The following MIPOL1 variants were observed in gnomAD, a reference collection of about 807,000 sequenced individuals.
MIPOL1 encodes mirror-image polydactyly 1.
In MIPOL1, 57 loss-of-function variants were observed where a neutral mutation model predicts 60.9. The observed-to-expected ratio is 0.94, with a 90% CI of 0.76 to 1.17. MIPOL1 has a LOEUF of 1.17. MIPOL1 is among the 50% of genes most tolerant of loss of function. The pLI, the probability that MIPOL1 is intolerant of heterozygous loss-of-function variation, is 0.00. For synonymous variants in MIPOL1, 179 were observed against 168.8 expected (o/e 1.06, Z -0.47); for missense variants, 551 against 511.6 (o/e 1.08, Z -0.74).
intron 7 of MIPOL1, among the ~76,000 whole-genome samples, chr14:37,289,533 G>A (rs570534153): frequency 1.4e-4 from 22 of 152,276 alleles, no homozygotes; most frequent in Non-Finnish European, 2.8e-4. Flanking sequence ...TCTTACTTAC[G>A]TTTATTAAAA....
intron 11 of MIPOL1, among the ~76,000 whole-genome samples, chr14:37,434,859 A>C (rs1273487781): frequency 2.6e-5 from 4 of 152,028 alleles, no homozygotes; most frequent in Admixed American, 6.6e-5. Context: ...GCAAAAAAAA[A>C]AAAAAAACAA....
chr14:37,328,592 T>C (rs921585330), intron 9 of MIPOL1, among the ~76,000 whole-genome samples: 3 of 152,220 alleles, frequency 2.0e-5, no homozygotes, highest in African/African-American at 4.8e-5. Flanking sequence ...AAATTTCTTG[T>C]CAGATTACCA....
chr14:37,270,230 A>G lies in MIPOL1; in HGVS notation c.388-190A>G, dbSNP rs146107480. 5.0e-3 allele frequency among the ~76,000 whole-genome samples: 759 copies of G among 152,282 alleles called. 5 individuals carry two copies. Among genetic ancestry groups the G allele is most frequent in the African/African-American group, 0.017 (717 of 41,562 alleles). On this transcript the variant is annotated intron_variant, in intron 5 of 12. Transcript: ENST00000684589. ...AAGTGTATATTGGGATGTTTTTACA[A>G]TTTCTGTATAACTACAGGTAATTAT...
At chr14:37,295,860 CTT>C (rs2085613528) in intron 7 of MIPOL1, among the ~76,000 whole-genome samples, 1 of 152,160 alleles carries the variant, frequency 6.6e-6, no homozygotes, top group African/African-American at 2.4e-5. Flanking sequence ...TCATGGGAGA[CTT>C]TAACACCCCA....
At chr14:37,379,854 A>G (rs1437957114) in intron 10 of MIPOL1, among the ~76,000 whole-genome samples, 1 of 152,142 alleles carries the variant, frequency 6.6e-6, no homozygotes, top group Non-Finnish European at 1.5e-5. Flanking sequence ...TTTGTTTTAA[A>G]GAATGAAGAG....
At chr14:37,464,717 TG>T (rs2094578463) in intron 11 of MIPOL1, among the ~76,000 whole-genome samples, 1 of 152,172 alleles carries the variant, frequency 6.6e-6, no homozygotes, top group Non-Finnish European at 1.5e-5. Flanking sequence ...GAACTACCCA[TG>T]TATCCTCTGA....
chr14:37,498,075 T>A (rs1281197985), intron 11 of MIPOL1, among the ~76,000 whole-genome samples: 2 of 152,202 alleles, frequency 1.3e-5, no homozygotes, highest in African/African-American at 2.4e-5. Flanking sequence ...ATGAATTATA[T>A]GCAACAGCAA....
intron 6 of MIPOL1, 87 bp downstream of exon 6, chr14:37,270,612 G>T (rs2083226856): frequency 1.8e-6 from 1 of 547,554 alleles, no homozygotes; most frequent in South Asian, 6.1e-5. Flanking sequence ...TAGCATACTG[G>T]CTTATTTGCC....
At chr14:37,454,229 C>T (rs2094452679) in intron 11 of MIPOL1, among the ~76,000 whole-genome samples, 1 of 152,178 alleles carries the variant, frequency 6.6e-6, no homozygotes, top group Non-Finnish European at 1.5e-5. Flanking sequence ...CTCATGGCTC[C>T]AGATTCCTTA....
chr14:37,447,480 A>T (rs1225990553), intron 11 of MIPOL1, among the ~76,000 whole-genome samples: 1 of 152,166 alleles, frequency 6.6e-6, no homozygotes, highest in Non-Finnish European at 1.5e-5. Context: ...ATAGAACCAA[A>T]TTAGACTGGT....
rs2095550568 is a variant in MIPOL1 at position 37,547,172 on chromosome 14, A to T, written c.*201A>T. Reference sequence around the variant, plus strand: ...TGACTTGAGTTATTTATCCAAATATATTAACTATAGACTTTTACCAATGGG... The same window carrying T: ...TGACTTGAGTTATTTATCCAAATATTTTAACTATAGACTTTTACCAATGGG... On this transcript the variant is annotated 3_prime_UTR_variant, in exon 13 of 13. Transcript: ENST00000684589. 1.8e-6 allele frequency: 1 copy of T among 548,286 alleles called. No homozygotes were observed. 34.0% of individuals were successfully genotyped at this position (548,286 alleles called of 1,614,324 possible). A position where few individuals can be genotyped will look rare whatever the true frequency, so the allele number is the denominator to read the frequency against.
chr14:37,248,599 A>C (rs772331083), intron 3 of MIPOL1, among the ~76,000 whole-genome samples: 1 of 152,022 alleles, frequency 6.6e-6, no homozygotes, highest in African/African-American at 2.4e-5. Context: ...ACATATAGCG[A>C]AAGAGACAAG....
chr14:37,370,399 T>C lies in MIPOL1; in HGVS notation c.936+775T>C, dbSNP rs531127694. On this transcript the variant is annotated intron_variant, in intron 10 of 12. Coordinates refer to ENST00000684589, the MANE Select transcript of MIPOL1 (RefSeq NM_001388067.1). ...ACCTGTTAAGGTTTAAAAAAAGAAA[T>C]CCATGAGAAACAGAAAAGATTCATC... is the stretch of plus-strand genomic sequence containing the variant. Among the ~76,000 whole-genome samples, 5 of 139,046 alleles carry C rather than the reference T, an allele frequency of 3.6e-5. No individual in the cohort carries two copies. The South Asian group carries it at 1.3e-3, about 35-fold the overall frequency. The allele number at this position is 139,046 out of a possible 152,430, so 91.2% of individuals were successfully genotyped here. A position where few individuals can be genotyped will look rare whatever the true frequency, so the allele number is the denominator to read the frequency against.
At chr14:37,330,484 G>A (rs1362610304) in intron 9 of MIPOL1, among the ~76,000 whole-genome samples, 6 of 151,998 alleles carry the variant, frequency 3.9e-5, no homozygotes, top group East Asian at 1.9e-4. Flanking sequence ...GTATAGTTAT[G>A]ATTCCATATA....
chr14:37,205,877 A>G (rs957917356), intron 1 of MIPOL1, among the ~76,000 whole-genome samples: 14 of 152,174 alleles, frequency 9.2e-5, no homozygotes, highest in Non-Finnish European at 1.8e-4. Flanking sequence ...ATTGTTGGAC[A>G]TTTGGGTTGA....
chr14:37,479,341 A>G (rs773870461), intron 11 of MIPOL1, among the ~76,000 whole-genome samples: 3 of 152,198 alleles, frequency 2.0e-5, no homozygotes, highest in African/African-American at 4.8e-5. Context: ...AAATCATATC[A>G]AGTATTTTTT....
At chr14:37,543,770 T>C (rs1211782740) in intron 12 of MIPOL1, among the ~76,000 whole-genome samples, 3 of 152,218 alleles carry the variant, frequency 2.0e-5, no homozygotes, top group Non-Finnish European at 4.4e-5. Context: ...TTCTTGGCAA[T>C]ATGAACTTTC....
At chr14:37,377,489 A>G (rs1242058951) in intron 10 of MIPOL1, among the ~76,000 whole-genome samples, 2 of 152,130 alleles carry the variant, frequency 1.3e-5, no homozygotes, top group Non-Finnish European at 2.9e-5. Flanking sequence ...ACGTTAAGCA[A>G]CTATATCATC....
intron 10 of MIPOL1, among the ~76,000 whole-genome samples, chr14:37,372,013 AG>A (rs1403971748): frequency 1.3e-5 from 2 of 152,160 alleles, no homozygotes; most frequent in Non-Finnish European, 2.9e-5. Context: ...AATAAGTGTC[AG>A]GAACAACTCT....
Sources: allele counts gnomAD v4.1 joint callset (sites outside exome capture counted in the v4.1 genomes callset), GRCh38; gene constraint gnomAD v4.1.1; transcripts MANE v1.5; gene names NCBI Gene and HGNC (gene_info 2026-07-23, HGNC 2026-07-21).